Variants in ZNF609 observed in about 807,000 individuals in gnomAD.
ZNF609 encodes the protein zinc finger protein 609.
In ZNF609, 11 loss-of-function variants were observed where a neutral mutation model predicts 109.5. The observed-to-expected ratio is 0.10, with a 90% CI of 0.06 to 0.17. The LOEUF is 0.17. Among genes scored for constraint, ZNF609 ranks in the 10% least tolerant of loss-of-function variants. The pLI is 1.00. For synonymous variants in ZNF609, 646 were observed against 662.0 expected (o/e 0.98, Z 0.37); for missense variants, 1,559 against 1,772.4 (o/e 0.88, Z 2.16).
chr15:64,543,255 C>CTT (rs77646116), intron 2 of ZNF609, among the ~76,000 whole-genome samples: 11 of 113,296 alleles, frequency 9.7e-5, no homozygotes, highest in Non-Finnish European at 1.4e-4. Flanking sequence ...TTTGTTGTTG[C>CTT]TTTTTTTTTT....
chr15:64,478,677 A>C (rs1328924739), intron 1 of ZNF609, among the ~76,000 whole-genome samples: 1 of 152,132 alleles, frequency 6.6e-6, no homozygotes, highest in African/African-American at 2.4e-5. Context: ...CCACATGGCC[A>C]GAATAAATGA....
In ZNF609 at chr15:64,676,129, A is replaced by C; in HGVS notation, c.3275A>C (p.Gln1092Pro). 12 of 1,614,242 alleles carry C rather than the reference A, an allele frequency of 7.4e-6. No homozygotes were observed. Among genetic ancestry groups the C allele is most frequent in the Non-Finnish European group, 1.0e-5 (12 of 1,180,046 alleles). ...GATGACTCTTCAAAACTCCCGGGCC[A>C]GGCCCCTGAAGGCCTTAAAGTGAAG... ...KLDDSSKLPGQAPEGLKVKLS... is the reference protein window; with the variant it reads ...KLDDSSKLPGPAPEGLKVKLS... The change falls in exon 5 of 10, where the codon CAG becomes CCG. Residue 1092 changes from glutamine to proline, a missense_variant. Gln to Pro is a moderately conservative substitution (Grantham distance 76). Transcript: ENST00000326648.
At chr15:64,492,784 T>C (rs1034107720) in intron 1 of ZNF609, among the ~76,000 whole-genome samples, 3 of 152,202 alleles carry the variant, frequency 2.0e-5, no homozygotes, top group African/African-American at 7.2e-5. Context: ...ATGAAGCAGC[T>C]TAGCTAGTGT....
chr15:64,570,767 TG>T (rs1446120284), intron 2 of ZNF609, among the ~76,000 whole-genome samples: 10 of 152,182 alleles, frequency 6.6e-5, no homozygotes, highest in Non-Finnish European at 1.5e-4. Flanking sequence ...GGCTCACACC[TG>T]TTATCCCAGC....
At chr15:64,495,509 T>C (rs1293020150) in intron 1 of ZNF609, among the ~76,000 whole-genome samples, 1 of 152,102 alleles carries the variant, frequency 6.6e-6, no homozygotes, top group African/African-American at 2.4e-5. Context: ...TTCTCCTGCC[T>C]CAGCCTCCCA....
At chr15:64,626,260 C>T (rs1272157695) in intron 3 of ZNF609, among the ~76,000 whole-genome samples, 1 of 152,070 alleles carries the variant, frequency 6.6e-6, no homozygotes, top group South Asian at 2.1e-4. Context: ...AGGGCCTTCA[C>T]CTGAACTGTC....
At chr15:64,482,920 G>A (rs555035308) in intron 1 of ZNF609, among the ~76,000 whole-genome samples, 46 of 152,088 alleles carry the variant, frequency 3.0e-4, no homozygotes, top group African/African-American at 9.2e-4. Context: ...CAGTCCCTTC[G>A]GTTCTAAAAA....
intron 2 of ZNF609, among the ~76,000 whole-genome samples, chr15:64,615,676 G>A (rs1331877764): frequency 2.6e-5 from 4 of 151,904 alleles, no homozygotes; most frequent in East Asian, 1.9e-4. Flanking sequence ...TAGTAGAGAC[G>A]GGGTTTTGCC....
chr15:64,599,388 T>C (rs556220558), intron 2 of ZNF609, among the ~76,000 whole-genome samples: 53 of 152,300 alleles, frequency 3.5e-4, no homozygotes, highest in African/African-American at 1.3e-3. Flanking sequence ...AGCTGTATTC[T>C]CAGTGCCTAG....
At chr15:64,472,262 G>A (rs956779628) in intron 1 of ZNF609, among the ~76,000 whole-genome samples, 3 of 152,184 alleles carry the variant, frequency 2.0e-5, no homozygotes, top group Non-Finnish European at 4.4e-5. Context: ...GTGCAGCATG[G>A]GGGTTGGATT....
intron 1 of ZNF609, among the ~76,000 whole-genome samples, chr15:64,463,003 C>T (rs544744304): frequency 9.2e-5 from 14 of 152,082 alleles, no homozygotes; most frequent in Non-Finnish European, 1.9e-4. Flanking sequence ...CCTGTAATCC[C>T]AGCACTTTGG....
chr15:64,524,089 A>G (rs1276908014), intron 2 of ZNF609, among the ~76,000 whole-genome samples: 1 of 151,488 alleles, frequency 6.6e-6, no homozygotes, highest in African/African-American at 2.4e-5. Flanking sequence ...TCAGTATACA[A>G]TTCAGTGGTT....
chr15:64,480,172 G>T (rs1596378239), intron 1 of ZNF609, among the ~76,000 whole-genome samples: 1 of 152,160 alleles, frequency 6.6e-6, no homozygotes, highest in East Asian at 1.9e-4. Flanking sequence ...CTGGGAGGCA[G>T]AGGTTGCAGT....
At chr15:64,645,302 G>A (rs1037338257) in intron 3 of ZNF609, among the ~76,000 whole-genome samples, 9 of 151,778 alleles carry the variant, frequency 5.9e-5, no homozygotes, top group African/African-American at 2.2e-4. Flanking sequence ...TGTTACTTAG[G>A]CTGGTGTTGA....
In ZNF609 at chr15:64,627,724, G is replaced by A. The variant is rs1453715181; in HGVS notation, c.973+4672G>A. 8.3e-5 allele frequency among the ~76,000 whole-genome samples: 10 copies of A among 121,160 alleles called. No homozygotes were observed. The Admixed American group carries it at 1.1e-3, about 13-fold the overall frequency. 79.5% of individuals were successfully genotyped at this position (121,160 alleles called of 152,430 possible). A position where few individuals can be genotyped will look rare whatever the true frequency, so the allele number is the denominator to read the frequency against. On this transcript the variant is annotated intron_variant, in intron 3 of 9. Transcript: ENST00000326648. ...GCTGTGTCACCCAGCCTGGAGTATA[G>A]CAACAACATCATCTCTCACTGCAGC...
At chr15:64,588,442 A>AAAAAAAAAAAAAAAAAAAAG (rs71133451) in intron 2 of ZNF609, among the ~76,000 whole-genome samples, 844 of 75,234 alleles carry the variant, frequency 0.011, 300 homozygotes, top group East Asian at 0.042. Flanking sequence ...AAAAAAAAAA[A>AAAAAAAAAAAAAAAAAAAAG]AAGAAGAGGA....
chr15:64,511,988 C>A (rs1302160418), intron 2 of ZNF609, among the ~76,000 whole-genome samples: 1 of 151,868 alleles, frequency 6.6e-6, no homozygotes, highest in Non-Finnish European at 1.5e-5. Context: ...GCTGGGATTA[C>A]AGGCATGAGC....
intron 2 of ZNF609, among the ~76,000 whole-genome samples, chr15:64,585,548 T>C (rs1194798716): frequency 6.6e-6 from 1 of 152,212 alleles, no homozygotes. Context: ...GGTTAAGATA[T>C]CCATTTTTTG....
intron 2 of ZNF609, among the ~76,000 whole-genome samples, chr15:64,608,960 A>G (rs1232920466): frequency 1.3e-5 from 2 of 151,984 alleles, no homozygotes; most frequent in Non-Finnish European, 2.9e-5. Context: ...AGATCTGGAA[A>G]TCCTGGGCTA....
Sources: gnomAD v4.1 joint callset for allele counts (sites outside exome capture counted in the v4.1 genomes callset) on GRCh38, gnomAD v4.1.1 for gene constraint, MANE v1.5 for transcripts, NCBI Gene and HGNC (gene_info 2026-07-23, HGNC 2026-07-21) for gene names.